The following NUP155 variants were observed in gnomAD, a reference collection of about 807,000 sequenced individuals.
NUP155 encodes the protein nucleoporin 155.
In NUP155, 71 loss-of-function variants were observed where a neutral mutation model predicts 180.4. The observed-to-expected ratio is 0.39, with a 90% CI of 0.33 to 0.48. The LOEUF (loss-of-function observed/expected upper bound fraction) is 0.48, where lower values mean the gene tolerates loss of function less well. Ranked by LOEUF, NUP155 falls within the 20% of genes least tolerant of loss-of-function variation. NUP155 has a pLI of 0.91. For synonymous variants in NUP155, 582 were observed against 559.5 expected (o/e 1.04, Z -0.57); for missense variants, 1,553 against 1,648.9 (o/e 0.94, Z 1.01).
intron 21 of NUP155, among the ~76,000 whole-genome samples, chr5:37,316,254 G>A (rs746312273): frequency 6.6e-6 from 1 of 152,190 alleles, no homozygotes; most frequent in African/African-American, 2.4e-5. Context: ...TAAAAAGGAA[G>A]GAAATTCTGA....
In NUP155 at chr5:37,348,307, A is replaced by AAAATAAAT. The variant is rs56758251; in HGVS notation, c.995+190_995+197dup. ...TGACAGAGTGAGACCCTGTCTCAAA[A>AAAATAAAT]AAATAAATAAATAAATAAATAAATA... On this transcript the variant is annotated intron_variant, in intron 9 of 34. Transcript: ENST00000231498. Among the ~76,000 whole-genome samples, 620 of 151,634 alleles carry AAAATAAAT rather than the reference A, an allele frequency of 4.1e-3. 5 individuals carry two copies. The highest frequency in any genetic ancestry group is 6.8e-3 in the Non-Finnish European group (463 of 67,894).
rs752788070 is a variant in NUP155, at chr5:37,309,121, T to C, written c.2767+8A>G. ...AGTAAAAGATACAAGAAACATTTTA[T>C]TTCTCACCTTGTCTATACTGAGCAC... is the stretch of plus-strand genomic sequence containing the variant. On this transcript the variant is annotated splice_region_variant and intron_variant, in intron 24 of 34. Transcript: ENST00000231498. 1 of 1,612,572 alleles carries C rather than the reference T, an allele frequency of 6.2e-7. No homozygotes were observed.
chr5:37,314,462 A>G (rs1170096784), intron 21 of NUP155, 134 bp from the exon 22 acceptor site: 21 of 670,912 alleles, frequency 3.1e-5, no homozygotes, highest in Non-Finnish European at 5.5e-5. Flanking sequence ...CATGATAATC[A>G]GTAGTATTTA....
rs1743364287 is a variant in NUP155 at position 37,309,137 on chromosome 5, T to C, written c.2759A>G (p.Tyr920Cys). The C allele has an allele frequency of 1.2e-6, 2 of 1,613,416 alleles. No individual in the cohort carries two copies. The highest frequency in any genetic ancestry group is 1.3e-5 in the African/African-American group (1 of 75,050). Residue 920 changes from tyrosine (Y) to cysteine (C), a missense_variant, in exon 24 of 35, where the codon TAT (tyrosine) becomes TGT (cysteine). Coordinates refer to ENST00000231498, the MANE Select transcript of NUP155 (RefSeq NM_153485.3). ...QVDLSNVCAQ[Y>C]RQVRFYEGVV... ...AACATTTTATTTCTCACCTTGTCTATACTGAGCACAAACATTGGAAAGGTC... is the reference window on the plus strand; with the variant it reads ...AACATTTTATTTCTCACCTTGTCTACACTGAGCACAAACATTGGAAAGGTC...
chr5:37,333,475 G>A lies in NUP155; in HGVS notation c.1506C>T (p.Leu502=), dbSNP rs149717377. 1.4e-5 allele frequency: 22 copies of A among 1,613,828 alleles called. No homozygotes were observed. The highest frequency in any genetic ancestry group is 1.0e-4 in the Admixed American group (6 of 59,994). ...AATACGTACACACCTGTGCTGAGAG[G>A]AGAACAAATTTCTTCGGAGGTAACA... The part of the protein sequence containing the change: ...QHMLPPKKFV[L]LSAQGSLMFH... Residue 502 remains leucine (L), a synonymous_variant, in exon 13 of 35, where the codon CTC becomes CTT. Coordinates refer to ENST00000231498, the MANE Select transcript of NUP155 (RefSeq NM_153485.3).
rs557766247 is a variant in NUP155, at chr5:37,340,167, A to G, written c.1246+923T>C. Among the ~76,000 whole-genome samples the G allele has an allele frequency of 3.3e-4, 51 of 152,264 alleles. No individual in the cohort carries two copies. In the East Asian group the frequency reaches 7.3e-3, roughly 22 times the overall value. On this transcript the variant is annotated intron_variant, in intron 11 of 34. Transcript: ENST00000231498. Reference sequence around the variant, plus strand: ...TCTTTTAAAAAATCAGGCCAGGTGCACGGTGGCTCATGCCTGTAATCCCAG... The same window carrying G: ...TCTTTTAAAAAATCAGGCCAGGTGCGCGGTGGCTCATGCCTGTAATCCCAG...
intron 20 of NUP155, among the ~76,000 whole-genome samples, chr5:37,323,098 T>A (rs1191000197): frequency 6.6e-6 from 1 of 151,106 alleles, no homozygotes; most frequent in East Asian, 2.0e-4. Context: ...CTGGTCAACA[T>A]GGTGAAACCC....
intron 21 of NUP155, among the ~76,000 whole-genome samples, chr5:37,316,750 C>T (rs1743911115): frequency 1.3e-5 from 2 of 151,330 alleles, no homozygotes; most frequent in East Asian, 2.0e-4. Context: ...CAGGTGAGAG[C>T]CACTGCGCCC....
chr5:37,310,931 C>G (rs1297012482), intron 22 of NUP155, among the ~76,000 whole-genome samples, 188 bp from the exon 23 acceptor site: 1 of 152,008 alleles, frequency 6.6e-6, no homozygotes, highest in African/African-American at 2.4e-5. Flanking sequence ...GGAAAAGAAC[C>G]TACAGTAGAT....
intron 1 of NUP155, among the ~76,000 whole-genome samples, chr5:37,367,274 G>C (rs147899356): frequency 1.3e-5 from 2 of 149,692 alleles, no homozygotes; most frequent in Non-Finnish European, 3.0e-5. Context: ...CCAGGCTGTA[G>C]TGCAATGGCG....
At chr5:37,365,752 TACACAC>T (rs372031424) in intron 1 of NUP155, among the ~76,000 whole-genome samples, 5,141 of 37,548 alleles carry the variant, frequency 0.14, 1,063 homozygotes, top group Middle Eastern at 0.25. Context: ...TATATATATA[TACACAC>T]ACACACACAC....
rs141263591 is a variant in NUP155 at position 37,331,882 on chromosome 5, T to A, written c.1519-87A>T. ...ACTCTACCTTATTTGATAAAATAAA[T>A]GAAACAAACAAAAAAAACCATTCAA... On this transcript the variant is annotated intron_variant, in intron 13 of 34. Transcript: ENST00000231498. 19,131 of 854,512 alleles carry A rather than the reference T, an allele frequency of 0.022. 301 individuals carry two copies. Among genetic ancestry groups the A allele is most frequent in the Non-Finnish European group, 0.029 (14,590 of 511,418 alleles). 52.9% of individuals were successfully genotyped at this position (854,512 alleles called of 1,614,324 possible).
intron 12 of NUP155, among the ~76,000 whole-genome samples, chr5:37,334,505 C>T (rs1458261966): frequency 6.6e-6 from 1 of 151,922 alleles, no homozygotes; most frequent in Non-Finnish European, 1.5e-5. Flanking sequence ...CTCAGCCTTC[C>T]GAGTATCTGG....
intron 3 of NUP155, among the ~76,000 whole-genome samples, chr5:37,362,272 T>C (rs1255628548): frequency 6.6e-6 from 1 of 152,046 alleles, no homozygotes; most frequent in Non-Finnish European, 1.5e-5. Flanking sequence ...TTAATGGAAA[T>C]GTAAAAAATT....
At chr5:37,334,284 G>C (rs1581174679) in intron 12 of NUP155, among the ~76,000 whole-genome samples, 1 of 152,078 alleles carries the variant, frequency 6.6e-6, no homozygotes, top group Non-Finnish European at 1.5e-5. Flanking sequence ...TCTATGTTTT[G>C]TATGAACAGG....
intron 3 of NUP155, 22 bp downstream of exon 3, chr5:37,363,866 C>A (rs1377684881): frequency 3.3e-6 from 5 of 1,518,044 alleles, no homozygotes; most frequent in Middle Eastern, 1.7e-4. Flanking sequence ...ACCCTTAAAG[C>A]AAACCAGCCT....
chr5:37,353,884 C>T (rs937403837), intron 4 of NUP155, among the ~76,000 whole-genome samples: 5 of 152,118 alleles, frequency 3.3e-5, no homozygotes, highest in Admixed American at 1.3e-4. Flanking sequence ...TACACAATAA[C>T]GTGAATGGAC....
intron 21 of NUP155, among the ~76,000 whole-genome samples, chr5:37,316,998 C>A (rs1743927606): frequency 7.0e-6 from 1 of 143,706 alleles, no homozygotes; most frequent in Non-Finnish European, 1.5e-5. Context: ...CCTGTCTCTA[C>A]TAAAAATACA....
chr5:37,332,268 A>G (rs1007442062), intron 13 of NUP155, among the ~76,000 whole-genome samples: 5 of 149,222 alleles, frequency 3.4e-5, no homozygotes, highest in African/African-American at 1.2e-4. Flanking sequence ...AAACTATCAT[A>G]ATATTACGTT....
Sources: allele counts gnomAD v4.1 joint callset (sites outside exome capture counted in the v4.1 genomes callset), GRCh38; gene constraint gnomAD v4.1.1; transcripts MANE v1.5; gene names NCBI Gene and HGNC (gene_info 2026-07-23, HGNC 2026-07-21).